Variants in NET1 observed in about 807,000 individuals in gnomAD.
The protein encoded by NET1 is neuroepithelial cell transforming 1, also known as neuroepithelial cell-transforming gene 1 protein.
Under a neutral mutation model 61.1 loss-of-function variants are expected in NET1, and 42 were observed. That is an observed-to-expected ratio of 0.69 (90% CI 0.54 to 0.89). NET1 has a LOEUF of 0.89. Among genes scored for constraint, NET1 ranks in the 40% least tolerant of loss-of-function variants. The pLI, the probability that NET1 is intolerant of heterozygous loss-of-function variation, is 0.00. For synonymous variants in NET1, 254 were observed against 281.8 expected (o/e 0.90, Z 0.99); for missense variants, 654 against 747.3 (o/e 0.88, Z 1.46).
In NET1 at chr10:5,440,937, A is replaced by G. The variant is rs1832516347; in HGVS notation, c.256-10893A>G. Among the ~76,000 whole-genome samples, 1 of 152,074 alleles carries G rather than the reference A, an allele frequency of 6.6e-6. No homozygotes were observed. The highest frequency in any genetic ancestry group is 2.1e-4 in the South Asian group (1 of 4,820). On this transcript the variant is annotated intron_variant, in intron 3 of 11. Coordinates refer to ENST00000355029, the MANE Select transcript of NET1 (RefSeq NM_001047160.3). The surrounding 1 kb of genome is among the most constrained non-coding windows in gnomAD (Gnocchi z 4.1). Reference sequence around the variant, plus strand: ...CTCTAGGACCAATCTCAGTGTCCATATTTTAGCCTGGGTTCTCCCTCCAGA... The same window carrying G: ...CTCTAGGACCAATCTCAGTGTCCATGTTTTAGCCTGGGTTCTCCCTCCAGA...
chr10:5,422,831 C>T lies in NET1; in HGVS notation c.129-3824C>T, dbSNP rs1832197904. On this transcript the variant is annotated intron_variant, in intron 1 of 11. Coordinates refer to ENST00000355029, the MANE Select transcript of NET1 (RefSeq NM_001047160.3). This position sits in a 1 kb window ranked among gnomAD's most constrained non-coding sequence, Gnocchi z 4.1. ...AAACAGTAGTGGATGTCTACTACAT[C>T]AGATATTTGACCCAAATAAATGAAT... Among the ~76,000 whole-genome samples the T allele has an allele frequency of 6.6e-6, 1 of 152,180 alleles. No homozygotes were observed. Among genetic ancestry groups the T allele is most frequent in the South Asian group, 2.1e-4 (1 of 4,824 alleles).
chr10:5,451,739 T>A lies in NET1; in HGVS notation c.256-91T>A, dbSNP rs554930846. On this transcript the variant is annotated intron_variant, in intron 3 of 11. Transcript: ENST00000355029. This position sits in a 1 kb window ranked among gnomAD's most constrained non-coding sequence, Gnocchi z 6.1. ...TTCTGTATTTTATAATGTACAAAAATTGTTTTGTGAGAGGGCTTTACTTTG... is the reference window on the plus strand; with the variant it reads ...TTCTGTATTTTATAATGTACAAAAAATGTTTTGTGAGAGGGCTTTACTTTG... 1 of 864,326 alleles carries A rather than the reference T, an allele frequency of 1.2e-6. No homozygotes were observed. The highest frequency in any genetic ancestry group is 1.7e-5 in the African/African-American group (1 of 59,696). The allele number at this position is 864,326 out of a possible 1,614,324, so 53.5% of individuals were successfully genotyped here.
chr10:5,446,814 A>C lies in NET1; in HGVS notation c.256-5016A>C, dbSNP rs374806094. 7.4e-6 allele frequency: 12 copies of C among 1,612,284 alleles called. No individual in the cohort carries two copies. In the African/African-American group the frequency reaches 1.3e-4, roughly 18 times the overall value. The stretch of plus-strand genomic sequence containing the variant: ...AGGTCTCCTACCTATTAAAAGGACC[A>C]TACGAGTCCTAGATGTCAATAACCA... On this transcript the variant is annotated intron_variant, in intron 3 of 11. Transcript: ENST00000355029. This position sits in a 1 kb window ranked among gnomAD's most constrained non-coding sequence, Gnocchi z 5.0.
chr10:5,428,038 CTT>C (rs57698527), intron 2 of NET1, among the ~76,000 whole-genome samples: 29 of 113,890 alleles, frequency 2.5e-4, no homozygotes, highest in Non-Finnish European at 3.7e-4. Flanking sequence ...TTTGCCGTTC[CTT>C]TTTTTTTTTT....
Position 5,416,092 on chromosome 10 carries a change from A to C in NET1, c.128+3272A>C, listed in dbSNP as rs757720542. On this transcript the variant is annotated intron_variant, in intron 1 of 11. Coordinates refer to ENST00000355029, the MANE Select transcript of NET1 (RefSeq NM_001047160.3). This position sits in a 1 kb window ranked among gnomAD's most constrained non-coding sequence, Gnocchi z 6.1. ...GTATATAATGTGAGATGACGGTCCA[A>C]CTTAATTCTTTTTCATGTGTCTATC... 6.6e-6 allele frequency among the ~76,000 whole-genome samples: 1 copy of C among 152,158 alleles called. No individual in the cohort carries two copies. Among genetic ancestry groups the C allele is most frequent in the Non-Finnish European group, 1.5e-5 (1 of 68,030 alleles).
chr10:5,436,321 C>G (rs1832438598), intron 3 of NET1, among the ~76,000 whole-genome samples: 1 of 132,788 alleles, frequency 7.5e-6, no homozygotes, highest in Non-Finnish European at 1.6e-5. Flanking sequence ...TGCAATGGCT[C>G]AATCTCGGTT....
At chr10:5,434,437 T>C (rs551180701) in intron 3 of NET1, among the ~76,000 whole-genome samples, 1 of 152,302 alleles carries the variant, frequency 6.6e-6, no homozygotes, top group South Asian at 2.1e-4. Context: ...GTTCTCAGCC[T>C]GAGAACAAGA....
Position 5,453,692 on chromosome 10 carries a change from A to C in NET1, c.768+132A>C. 1 of 719,066 alleles carries C rather than the reference A, an allele frequency of 1.4e-6. No homozygotes were observed. 44.5% of individuals were successfully genotyped at this position (719,066 alleles called of 1,614,324 possible). A position where few individuals can be genotyped will look rare whatever the true frequency, so the allele number is the denominator to read the frequency against. ...CACATAAGGCGTTAAAACTGAACAA[A>C]TTTACAGTGACATAAGAAGTTACAG... On this transcript the variant is annotated intron_variant, in intron 8 of 11. Coordinates refer to ENST00000355029, the MANE Select transcript of NET1 (RefSeq NM_001047160.3). The surrounding 1 kb of genome is among the most constrained non-coding windows in gnomAD (Gnocchi z 4.9).
rs1430362304 is a variant in NET1, at chr10:5,454,315, C to T, written c.819C>T (p.Ala273=). Residue 273 remains alanine (A), a synonymous_variant, in exon 9 of 12, where the codon GCC becomes GCT. Transcript: ENST00000355029. The surrounding 1 kb of genome is among the most constrained non-coding windows in gnomAD (Gnocchi z 8.1). The stretch of plus-strand genomic sequence containing the variant: ...GTTACTGTAGTAACCAGCTGGCAGC[C>T]AAAGCTCTTCTTGATCAAAAGAAAC... ...YRGYCSNQLA[A]KALLDQKKQD... is the part of the protein sequence containing the mutation. The T allele has an allele frequency of 1.2e-6, 2 of 1,614,046 alleles. No individual in the cohort carries two copies. Among genetic ancestry groups the T allele is most frequent in the Non-Finnish European group, 1.7e-6 (2 of 1,180,044 alleles).
In NET1 at chr10:5,435,510, TAGATAGATAGATAGATAGATAGACAGAC is replaced by T. The variant is rs1244255443; in HGVS notation, c.255+6285_255+6312del. Among the ~76,000 whole-genome samples the T allele has an allele frequency of 6.7e-3, 426 of 63,330 alleles. 2 individuals are homozygous for T. The highest frequency in any genetic ancestry group is 0.026 in the African/African-American group (364 of 13,754). 41.5% of individuals were successfully genotyped at this position (63,330 alleles called of 152,430 possible). On this transcript the variant is annotated intron_variant, in intron 3 of 11. Transcript: ENST00000355029. This position sits in a 1 kb window ranked among gnomAD's most constrained non-coding sequence, Gnocchi z 5.0. The stretch of plus-strand genomic sequence containing the variant: ...ATAGATAGATAGATAGATAGATAGA[TAGATAGATAGATAGATAGATAGACAGAC>T]AGACAGATAGATAGATAGATAGATA...
rs199523719 is a variant in NET1 at position 5,429,921 on chromosome 10, T to A, written c.255+692T>A. On this transcript the variant is annotated intron_variant, in intron 3 of 11. Coordinates refer to ENST00000355029, the MANE Select transcript of NET1 (RefSeq NM_001047160.3). ...GTTGTACATTTTTAAATGTGATTTT[T>A]AAAAATGTTTCATATTATGTTTAAC... 7.9e-5 allele frequency among the ~76,000 whole-genome samples: 12 copies of A among 152,354 alleles called. 1 individual carries two copies. The East Asian group carries it at 2.3e-3, about 29-fold the overall frequency.
Position 5,452,955 on chromosome 10 carries a change from T to A in NET1, c.594+35T>A. ...TAACTTTTTATCAGATGCCCTAGTT[T>A]TTAAAAATTACATTTCACAAAATCT... On this transcript the variant is annotated intron_variant, in intron 6 of 11. Transcript: ENST00000355029. This position sits in a 1 kb window ranked among gnomAD's most constrained non-coding sequence, Gnocchi z 4.0. 1 of 1,370,008 alleles carries A rather than the reference T, an allele frequency of 7.3e-7. No individual in the cohort carries two copies. The highest frequency in any genetic ancestry group is 1.7e-5 in the Admixed American group (1 of 57,358). 84.9% of individuals were successfully genotyped at this position (1,370,008 alleles called of 1,614,324 possible).
chr10:5,426,493 T>A lies in NET1; in HGVS notation c.129-162T>A, dbSNP rs561616280. Among the ~76,000 whole-genome samples the A allele has an allele frequency of 1.2e-4, 18 of 152,118 alleles. No homozygotes were observed. Among genetic ancestry groups the A allele is most frequent in the East Asian group, 9.6e-4 (5 of 5,194 alleles). On this transcript the variant is annotated intron_variant, in intron 1 of 11. Transcript: ENST00000355029. This position sits in a 1 kb window ranked among gnomAD's most constrained non-coding sequence, Gnocchi z 4.6. ...AACCTATACCCTGTTTGTTTGTTTTTTATATATATATAGACCATCTCTCAT... is the reference window on the plus strand; with the variant it reads ...AACCTATACCCTGTTTGTTTGTTTTATATATATATATAGACCATCTCTCAT...
chr10:5,458,861 T>A lies in NET1; in HGVS notation c.*1867T>A, dbSNP rs1225994522. On this transcript the variant is annotated 3_prime_UTR_variant, in exon 12 of 12. Coordinates refer to ENST00000355029, the MANE Select transcript of NET1 (RefSeq NM_001047160.3). This position sits in a 1 kb window ranked among gnomAD's most constrained non-coding sequence, Gnocchi z 4.5. ...CCAGAAAGCAAGATTTCTAATCATTTCCAGAGGTGTTGTATAGAATAGTTA... is the reference window on the plus strand; with the variant it reads ...CCAGAAAGCAAGATTTCTAATCATTACCAGAGGTGTTGTATAGAATAGTTA... 1.3e-5 allele frequency among the ~76,000 whole-genome samples: 2 copies of A among 152,208 alleles called. No individual in the cohort carries two copies. Among genetic ancestry groups the A allele is most frequent in the East Asian group, 3.8e-4 (2 of 5,198 alleles).
At chr10:5,419,456 T>G (rs1197050902) in intron 1 of NET1, among the ~76,000 whole-genome samples, 1 of 152,220 alleles carries the variant, frequency 6.6e-6, no homozygotes, top group Non-Finnish European at 1.5e-5. Flanking sequence ...TCGTGTTATA[T>G]ATGTCTTTTG....
rs766442968 is a variant in NET1, at chr10:5,422,336, CAA to C, written c.129-4307_129-4306del. Among the ~76,000 whole-genome samples the C allele has an allele frequency of 1.5e-5, 2 of 133,434 alleles. No individual in the cohort carries two copies. The highest frequency in any genetic ancestry group is 1.6e-5 in the Non-Finnish European group (1 of 61,418). The allele number at this position is 133,434 out of a possible 152,430, so 87.5% of individuals were successfully genotyped here. ...TGGGTGACAGAGCAAAACTCCGTCTCAAAAAAAAAAAAAGTCTTTGTGTAGAC... is the reference window on the plus strand; with the variant it reads ...TGGGTGACAGAGCAAAACTCCGTCTCAAAAAAAAAAAGTCTTTGTGTAGAC... On this transcript the variant is annotated intron_variant, in intron 1 of 11. Coordinates refer to ENST00000355029, the MANE Select transcript of NET1 (RefSeq NM_001047160.3). The surrounding 1 kb of genome is among the most constrained non-coding windows in gnomAD (Gnocchi z 4.1).
In NET1 at chr10:5,429,136, TTA is replaced by T. The variant is rs1260530030; in HGVS notation, c.196-30_196-29del. ...TTTTGTGAGGTAATATGCATTCCTT[TTA>T]TATGAGAATGAAATCTCTATTTTTC... On this transcript the variant is annotated intron_variant, in intron 2 of 11. Coordinates refer to ENST00000355029, the MANE Select transcript of NET1 (RefSeq NM_001047160.3). 4.8e-6 allele frequency: 7 copies of T among 1,465,836 alleles called. No homozygotes were observed. The South Asian group carries it at 7.1e-5, about 15-fold the overall frequency. The allele number at this position is 1,465,836 out of a possible 1,614,324, so 90.8% of individuals were successfully genotyped here.
In NET1 at chr10:5,437,227, TTTTA is replaced by T. The variant is rs1336056113; in HGVS notation, c.255+8004_255+8007del. On this transcript the variant is annotated intron_variant, in intron 3 of 11. Coordinates refer to ENST00000355029, the MANE Select transcript of NET1 (RefSeq NM_001047160.3). The surrounding 1 kb of genome is among the most constrained non-coding windows in gnomAD (Gnocchi z 4.3). ...TTGATGTTTGTCCAGATTGTTTTCT[TTTTA>T]TTTATCTATTTTCATACAGTATGTG... is the stretch of plus-strand genomic sequence containing the variant. Among the ~76,000 whole-genome samples, 1 of 152,224 alleles carries T rather than the reference TTTTA, an allele frequency of 6.6e-6. No individual in the cohort carries two copies. Among genetic ancestry groups the T allele is most frequent in the Non-Finnish European group, 1.5e-5 (1 of 68,042 alleles).
Position 5,451,897 on chromosome 10 carries a change from T to C in NET1, c.323T>C (p.Val108Ala). Residue 108 changes from valine (V) to alanine (A), a missense_variant, in exon 4 of 12, where the codon GTA becomes GCA. Val to Ala is a moderately conservative substitution (Grantham distance 64, BLOSUM62 0). Transcript: ENST00000355029. The surrounding 1 kb of genome is among the most constrained non-coding windows in gnomAD (Gnocchi z 6.1). ...TCCTTGGCAAATTTAATCTCTCCTG[T>C]AAGAAATGGAGCTGTCAGACGTTTT... ...VTSLANLISP[V>A]RNGAVRRFGQ... 1 of 1,613,956 alleles carries C rather than the reference T, an allele frequency of 6.2e-7. No homozygotes were observed. The highest frequency in any genetic ancestry group is 8.5e-7 in the Non-Finnish European group (1 of 1,179,926).
Sources: allele counts gnomAD v4.1 joint callset (sites outside exome capture counted in the v4.1 genomes callset), GRCh38; gene constraint gnomAD v4.1.1; non-coding constraint Gnocchi (gnomAD v3.1); transcripts MANE v1.5; gene names NCBI Gene and HGNC (gene_info 2026-07-23, HGNC 2026-07-21).